The following F2RL1 variants were observed in gnomAD, a reference collection of about 807,000 sequenced individuals.
F2RL1 encodes the protein proteinase-activated receptor 2.
F2RL1 carries 16 observed loss-of-function variants against 21.7 expected under a neutral mutation model. That is an observed-to-expected ratio of 0.74 (90% CI 0.50 to 1.12). The LOEUF is 1.12. Among genes scored for constraint, F2RL1 ranks in the 50% most tolerant of loss-of-function variants. F2RL1 has a pLI of 0.00. For synonymous variants in F2RL1, 181 were observed against 186.7 expected (o/e 0.97, Z 0.25); for missense variants, 432 against 477.8 (o/e 0.90, Z 0.89).
At chr5:76,831,237 T>C (rs370622739) in intron 1 of F2RL1, among the ~76,000 whole-genome samples, 18 of 152,278 alleles carry the variant, frequency 1.2e-4, no homozygotes, top group African/African-American at 4.1e-4. Context: ...TCCCTGCCAG[T>C]TGGCCTCCAT....
chr5:76,831,831 C>T (rs1750354857), intron 1 of F2RL1, among the ~76,000 whole-genome samples: 2 of 152,048 alleles, frequency 1.3e-5, no homozygotes, highest in Admixed American at 1.3e-4. Context: ...CCCAGCCAAA[C>T]CAAATTTTAC....
Position 76,833,908 on chromosome 5 carries a change from A to G in F2RL1, c.*107A>G, listed in dbSNP as rs1750409420. The G allele has an allele frequency of 1.1e-5, 13 of 1,215,644 alleles. No homozygotes were observed. The South Asian group carries it at 1.8e-4, about 17-fold the overall frequency. The allele number at this position is 1,215,644 out of a possible 1,614,324, so 75.3% of individuals were successfully genotyped here. A position where few individuals can be genotyped will look rare whatever the true frequency, so the allele number is the denominator to read the frequency against. On this transcript the variant is annotated 3_prime_UTR_variant, in exon 2 of 2. Transcript: ENST00000296677. ...AATCAAAAAGGTCTCACCACATACC[A>G]TGTGGATGCAGCACCTCTCAGGATT... is the stretch of plus-strand genomic sequence containing the variant.
chr5:76,820,500 A>T (rs1181536301), intron 1 of F2RL1, among the ~76,000 whole-genome samples: 4 of 151,546 alleles, frequency 2.6e-5, no homozygotes, highest in Non-Finnish European at 5.9e-5. Context: ...CCGCTGGTAT[A>T]TTTTTTTTTC....
Position 76,832,959 on chromosome 5 carries a change from G to A in F2RL1, c.352G>A (p.Ala118Thr), listed in dbSNP as rs1449513991. The A allele has an allele frequency of 6.2e-7, 1 of 1,614,198 alleles. No individual in the cohort carries two copies. Among genetic ancestry groups the A allele is most frequent in the Admixed American group, 1.7e-5 (1 of 60,022 alleles). ...HPAVIYMANL[A>T]LADLLSVIWF... Reference sequence around the variant, plus strand: ...TGCTGTGATTTACATGGCCAATCTGGCCTTGGCTGACCTCCTCTCTGTCAT... The same window carrying A: ...TGCTGTGATTTACATGGCCAATCTGACCTTGGCTGACCTCCTCTCTGTCAT... The change falls in exon 2 of 2, where the codon GCC (alanine) becomes ACC (threonine). Residue 118 changes from alanine (A) to threonine (T), a missense_variant. Coordinates refer to ENST00000296677, the MANE Select transcript of F2RL1 (RefSeq NM_005242.6).
chr5:76,832,017 A>T lies in F2RL1; in HGVS notation c.83-673A>T, dbSNP rs114023581. On this transcript the variant is annotated intron_variant, in intron 1 of 1. Coordinates refer to ENST00000296677, the MANE Select transcript of F2RL1 (RefSeq NM_005242.6). ...AGCAAGACCCCATCTCTAAAAAAAA[A>T]AAAAATAATAAGTAAAATAAAAAGA... 5.8e-3 allele frequency among the ~76,000 whole-genome samples: 884 copies of T among 152,052 alleles called. 11 individuals carry two copies. The highest frequency in any genetic ancestry group is 0.021 in the African/African-American group (856 of 41,546).
At chr5:76,820,066 C>T (rs934486928) in intron 1 of F2RL1, among the ~76,000 whole-genome samples, 2 of 152,196 alleles carry the variant, frequency 1.3e-5, no homozygotes, top group African/African-American at 4.8e-5. Flanking sequence ...GTGTGCCACC[C>T]GGAGCGGCCA....
chr5:76,829,071 G>A (rs546294310), intron 1 of F2RL1, among the ~76,000 whole-genome samples: 70 of 151,072 alleles, frequency 4.6e-4, no homozygotes, highest in African/African-American at 1.5e-3. Context: ...AACCAAGATC[G>A]CACCACTGCA....
chr5:76,833,337 C>T lies in F2RL1; in HGVS notation c.730C>T (p.Leu244Phe), dbSNP rs760277938. Residue 244 changes from leucine (L) to phenylalanine (F), a missense_variant, in exon 2 of 2, where the codon CTC becomes TTC. By Grantham distance (22) the Leu-to-Phe change is conservative. Coordinates refer to ENST00000296677, the MANE Select transcript of F2RL1 (RefSeq NM_005242.6). ...GGTGGGAGACATGTTCAATTACTTC[C>T]TCTCTCTGGCCATTGGGGTCTTTCT... The part of the protein sequence containing the change: ...LLVGDMFNYF[L>F]SLAIGVFLFP... The T allele has an allele frequency of 8.1e-6, 13 of 1,614,030 alleles. No homozygotes were observed. Among genetic ancestry groups the T allele is most frequent in the Non-Finnish European group, 1.0e-5 (12 of 1,180,024 alleles).
At chr5:76,830,671 C>T (rs1750334273) in intron 1 of F2RL1, among the ~76,000 whole-genome samples, 1 of 152,216 alleles carries the variant, frequency 6.6e-6, no homozygotes, top group South Asian at 2.1e-4. Flanking sequence ...TTAATTCTAT[C>T]TGCAAAGACA....
intron 1 of F2RL1, among the ~76,000 whole-genome samples, chr5:76,831,476 G>A (rs1311960223): frequency 6.6e-6 from 1 of 151,688 alleles, no homozygotes; most frequent in African/African-American, 2.4e-5. Context: ...GTCAGGATGG[G>A]GATCGCTATT....
chr5:76,819,202 C>A lies in F2RL1; in HGVS notation c.20C>A (p.Ala7Glu). The change falls in exon 1 of 2, where the codon GCG (alanine) becomes GAG (glutamate). Residue 7 changes from alanine (A) to glutamate (E), a missense_variant. Coordinates refer to ENST00000296677, the MANE Select transcript of F2RL1 (RefSeq NM_005242.6). MRSPSA[A>E]WLLGAAILLA... Reference sequence around the variant, plus strand: ...AGGAGGATGCGGAGCCCCAGCGCGGCGTGGCTGCTGGGGGCCGCCATCCTG... The same window carrying A: ...AGGAGGATGCGGAGCCCCAGCGCGGAGTGGCTGCTGGGGGCCGCCATCCTG... 2 of 1,587,936 alleles carry A rather than the reference C, an allele frequency of 1.3e-6. No individual in the cohort carries two copies. The highest frequency in any genetic ancestry group is 2.3e-5 in the South Asian group (2 of 88,854).
intron 1 of F2RL1, among the ~76,000 whole-genome samples, chr5:76,822,400 T>C (rs1750155576): frequency 6.6e-6 from 1 of 152,132 alleles, no homozygotes; most frequent in Non-Finnish European, 1.5e-5. Context: ...GTGTTTTTGG[T>C]ATAAACGGGG....
At chr5:76,830,913 T>C (rs1228877242) in intron 1 of F2RL1, among the ~76,000 whole-genome samples, 1 of 152,086 alleles carries the variant, frequency 6.6e-6, no homozygotes, top group Non-Finnish European at 1.5e-5. Context: ...CATAACATTA[T>C]GAGATAAGAG....
intron 1 of F2RL1, among the ~76,000 whole-genome samples, chr5:76,819,564 G>T (rs889890477): frequency 6.6e-6 from 1 of 152,220 alleles, no homozygotes; most frequent in African/African-American, 2.4e-5. Context: ...CCCAGCGTGG[G>T]TTCGGGGAAA....
Position 76,833,902 on chromosome 5 carries a change from C to A in F2RL1, c.*101C>A. On this transcript the variant is annotated 3_prime_UTR_variant, in exon 2 of 2. Coordinates refer to ENST00000296677, the MANE Select transcript of F2RL1 (RefSeq NM_005242.6). ...TTTCCTAATCAAAAAGGTCTCACCA[C>A]ATACCATGTGGATGCAGCACCTCTC... 1 of 1,303,808 alleles carries A rather than the reference C, an allele frequency of 7.7e-7. No individual in the cohort carries two copies. Among genetic ancestry groups the A allele is most frequent in the Non-Finnish European group, 1.1e-6 (1 of 946,454 alleles). The allele number at this position is 1,303,808 out of a possible 1,614,324, so 80.8% of individuals were successfully genotyped here. A position where few individuals can be genotyped will look rare whatever the true frequency, so the allele number is the denominator to read the frequency against.
chr5:76,824,617 C>A (rs1050142926), intron 1 of F2RL1, among the ~76,000 whole-genome samples: 1 of 151,638 alleles, frequency 6.6e-6, no homozygotes, highest in Non-Finnish European at 1.5e-5. Context: ...GTGAGCCACC[C>A]TGCCAGGGCC....
intron 1 of F2RL1, among the ~76,000 whole-genome samples, chr5:76,821,116 A>G (rs1161183402): frequency 6.6e-6 from 1 of 152,114 alleles, no homozygotes; most frequent in Non-Finnish European, 1.5e-5. Flanking sequence ...CCTCACTCCA[A>G]AAGACTGCCT....
chr5:76,824,249 A>AT (rs540104313), intron 1 of F2RL1, among the ~76,000 whole-genome samples: 7 of 134,280 alleles, frequency 5.2e-5, no homozygotes, highest in East Asian at 2.3e-4. Context: ...CCCCCAGCTA[A>AT]TTTTTTTTTT....
intron 1 of F2RL1, among the ~76,000 whole-genome samples, chr5:76,822,280 C>T (rs1237515443): frequency 6.6e-6 from 1 of 152,110 alleles, no homozygotes; most frequent in African/African-American, 2.4e-5. Flanking sequence ...TGCAGTGGCA[C>T]GATCTCGGCT....
Sources: allele counts gnomAD v4.1 joint callset (sites outside exome capture counted in the v4.1 genomes callset), GRCh38; gene constraint gnomAD v4.1.1; transcripts MANE v1.5; gene names NCBI Gene and HGNC (gene_info 2026-07-23, HGNC 2026-07-21).